The following PIK3C3 variants were observed in gnomAD, a reference collection of about 807,000 sequenced individuals.
PIK3C3 encodes phosphatidylinositol 3-kinase catalytic subunit type 3.
PIK3C3 carries 95 observed loss-of-function variants against 126.1 expected under a neutral mutation model. The observed-to-expected ratio is 0.75, with a 90% CI of 0.64 to 0.89. The LOEUF is 0.89. PIK3C3 is among the 40% of genes least tolerant of loss of function. PIK3C3 has a pLI of 0.00. For missense variants in PIK3C3, 829 were observed against 1,063.2 expected (o/e 0.78, Z 3.06); for synonymous variants, 374 against 360.0 (o/e 1.04, Z -0.44).
intron 19 of PIK3C3, 47 bp from the exon 20 acceptor site, chr18:42,043,686 T>G (rs1984429320): frequency 8.1e-7 from 1 of 1,238,530 alleles, no homozygotes. Flanking sequence ...ACACCTAGTT[T>G]GTTTGTTTGT....
chr18:42,032,702 G>A (rs1401190318), intron 15 of PIK3C3, among the ~76,000 whole-genome samples: 1 of 151,048 alleles, frequency 6.6e-6, no homozygotes, highest in African/African-American at 2.4e-5. Context: ...TGTTAAGGTA[G>A]GATAACTTTA....
rs753063601 is a variant in PIK3C3 at position 41,962,565 on chromosome 18, G to A, written c.334G>A (p.Asp112Asn). 1.2e-6 allele frequency: 2 copies of A among 1,613,602 alleles called. No individual in the cohort carries two copies. The change falls in exon 3 of 25, where the codon GAT becomes AAT. Residue 112 changes from aspartate to asparagine, a missense_variant. By Grantham distance (23) the Asp-to-Asn change is conservative (BLOSUM62 1). Around this residue, in one of 4 missense-constraint regions of PIK3C3, gnomAD observed 313 missense variants for 340.7 expected, o/e 0.92. Transcript: ENST00000262039. ...RNAQVALTIW[D>N]VYGPGKAVPV... is the part of the protein sequence containing the mutation. ...TGCCCAAGTGGCCCTCACCATATGGGATGTGTATGGTCCCGGAAAAGCAGT... is the reference window on the plus strand; with the variant it reads ...TGCCCAAGTGGCCCTCACCATATGGAATGTGTATGGTCCCGGAAAAGCAGT...
intron 9 of PIK3C3, 114 bp from the exon 10 acceptor site, chr18:42,004,242 G>T: frequency 1.4e-6 from 1 of 710,590 alleles, no homozygotes; most frequent in East Asian, 2.7e-5. Flanking sequence ...TACACAAGGA[G>T]TCTATCACTG....
At chr18:41,970,264 TA>T in intron 3 of PIK3C3, 62 bp from the exon 4 acceptor site, 2 of 1,423,432 alleles carry the variant, frequency 1.4e-6, no homozygotes, top group Non-Finnish European at 2.0e-6. Flanking sequence ...TTTAGGAATC[TA>T]AAATTTCCTG....
intron 24 of PIK3C3, among the ~76,000 whole-genome samples, chr18:42,078,045 T>C (rs890496635): frequency 6.6e-6 from 1 of 151,702 alleles, no homozygotes; most frequent in Middle Eastern, 3.2e-3. Flanking sequence ...TTTTGAATCT[T>C]TTTTTCTGAG....
chr18:42,024,734 A>C (rs561141929), intron 13 of PIK3C3, among the ~76,000 whole-genome samples: 750 of 151,634 alleles, frequency 4.9e-3, no homozygotes, highest in Non-Finnish European at 7.8e-3. Flanking sequence ...CACACCTGGC[A>C]GACTTGAATG....
intron 20 of PIK3C3, among the ~76,000 whole-genome samples, chr18:42,047,276 A>C (rs762285362): frequency 4.6e-5 from 7 of 152,140 alleles, no homozygotes; most frequent in Non-Finnish European, 8.8e-5. Flanking sequence ...AATTGTAGGA[A>C]TTTCGCTTGT....
At chr18:42,049,644 T>C (rs1274876970) in intron 21 of PIK3C3, 39 bp downstream of exon 21, 1 of 1,437,020 alleles carries the variant, frequency 7.0e-7, no homozygotes, top group South Asian at 1.1e-5. Flanking sequence ...ACATTGTATA[T>C]GCCCATGGTT....
chr18:42,029,537 T>A, intron 15 of PIK3C3, 96 bp downstream of exon 15: 2 of 162,808 alleles, frequency 1.2e-5, no homozygotes, highest in Non-Finnish European at 1.0e-5. Flanking sequence ...TACGTGAATT[T>A]TTTTTTTTTT....
chr18:42,056,618 G>T lies in PIK3C3; in HGVS notation c.2264-1265G>T, dbSNP rs557733114. Among the ~76,000 whole-genome samples the T allele has an allele frequency of 6.6e-5, 10 of 152,048 alleles. No homozygotes were observed. The South Asian group carries it at 1.7e-3, about 25-fold the overall frequency. On this transcript the variant is annotated intron_variant, in intron 21 of 24. Transcript: ENST00000262039. ...CTTCTTATTTCTTTACCTCTTTTGG[G>T]GCAGAATCATGTGTATCCAACAAGG...
chr18:41,962,733 A>G, intron 3 of PIK3C3, 101 bp downstream of exon 3: 2 of 1,031,776 alleles, frequency 1.9e-6, no homozygotes, highest in Non-Finnish European at 2.8e-6. Context: ...CTCAGTCTCC[A>G]GTGTAAACCA....
chr18:42,006,860 C>CTTT lies in PIK3C3; in HGVS notation c.1170+2338_1170+2340dup, dbSNP rs71265065. On this transcript the variant is annotated intron_variant, in intron 10 of 24. Coordinates refer to ENST00000262039, the MANE Select transcript of PIK3C3 (RefSeq NM_002647.4). ...GTGGGTATGTTTTAAAAATCATATT[C>CTTT]TTTTTTTTTTTTTTTTTTTTTGAGA... Among the ~76,000 whole-genome samples the CTTT allele has an allele frequency of 1.7e-3, 177 of 102,260 alleles. 2 individuals carry two copies. The highest frequency in any genetic ancestry group is 2.5e-3 in the African/African-American group (70 of 28,126). 67.1% of individuals were successfully genotyped at this position (102,260 alleles called of 152,430 possible).
chr18:42,043,620 G>A (rs897850794), intron 19 of PIK3C3, 113 bp from the exon 20 acceptor site: 48 of 644,202 alleles, frequency 7.5e-5, no homozygotes, highest in Non-Finnish European at 1.3e-4. Context: ...CTCTCATACT[G>A]TATTTTGATT....
intron 24 of PIK3C3, among the ~76,000 whole-genome samples, chr18:42,072,330 A>G (rs1380015523): frequency 6.6e-6 from 1 of 152,214 alleles, no homozygotes; most frequent in Non-Finnish European, 1.5e-5. Flanking sequence ...AAGAAGACTA[A>G]GAGTTACTAG....
chr18:42,057,852 G>A (rs751773102), intron 21 of PIK3C3, 31 bp from the exon 22 acceptor site: 2 of 1,606,776 alleles, frequency 1.2e-6, no homozygotes, highest in South Asian at 1.1e-5. Context: ...AGATAATTCT[G>A]GAAACAAATG....
chr18:42,003,725 C>A (rs1598886163), intron 9 of PIK3C3, among the ~76,000 whole-genome samples: 1 of 152,288 alleles, frequency 6.6e-6, no homozygotes, highest in East Asian at 1.9e-4. Context: ...GTACAACCAG[C>A]CAGATCATAG....
In PIK3C3 at chr18:42,058,084, G is replaced by A. The variant is rs755624677; in HGVS notation, c.2432+33G>A. 5 of 1,510,788 alleles carry A rather than the reference G, an allele frequency of 3.3e-6. No homozygotes were observed. In the Admixed American group the frequency reaches 7.2e-5, roughly 22 times the overall value. 93.6% of individuals were successfully genotyped at this position (1,510,788 alleles called of 1,614,324 possible). The stretch of plus-strand genomic sequence containing the variant: ...GATTTGCTTGGCACAGAGAATTTGG[G>A]TAAATTTATTTTATTTTATAGAACA... On this transcript the variant is annotated intron_variant, in intron 22 of 24. Coordinates refer to ENST00000262039, the MANE Select transcript of PIK3C3 (RefSeq NM_002647.4).
chr18:42,006,295 A>T (rs7230883), intron 10 of PIK3C3, among the ~76,000 whole-genome samples: 22,506 of 145,808 alleles, frequency 0.15, 2,226 homozygotes, highest in African/African-American at 0.25. Flanking sequence ...CCCTCCTGGC[A>T]TGTGGGTGCA....
intron 21 of PIK3C3, chr18:42,053,160 A>T (rs1026359857): frequency 6.6e-6 from 1 of 152,178 alleles, no homozygotes; most frequent in African/African-American, 2.4e-5. Context: ...TCTACCCTGT[A>T]AATATAGATG....
Sources: allele counts gnomAD v4.1 joint callset (sites outside exome capture counted in the v4.1 genomes callset), GRCh38; gene constraint gnomAD v4.1.1; regional missense constraint gnomAD v4.1.1; transcripts MANE v1.5; gene names NCBI Gene and HGNC (gene_info 2026-07-23, HGNC 2026-07-21).